The following SULF1 variants were observed in gnomAD, a reference collection of about 807,000 sequenced individuals.
The protein encoded by SULF1 is extracellular sulfatase Sulf-1.
In SULF1, 46 loss-of-function variants were observed where a neutral mutation model predicts 110.5. The observed-to-expected ratio is 0.42, with a 90% confidence interval of 0.33 to 0.53. The LOEUF (loss-of-function observed/expected upper bound fraction) is 0.53. Among genes scored for constraint, SULF1 ranks in the 20% least tolerant of loss-of-function variants. The pLI is 0.12. For synonymous variants in SULF1, 371 were observed against 387.1 expected, an observed-to-expected ratio of 0.96 and a Z score of 0.49; for missense variants, 941 against 1,094.2, an observed-to-expected ratio of 0.86 and a Z score of 1.98.
At chr8:69,508,206 A>G (rs1461087282) in intron 3 of SULF1, among the ~76,000 whole-genome samples, 1 of 152,072 alleles carries the variant, frequency 6.6e-6, no homozygotes, top group African/African-American at 2.4e-5. Flanking sequence ...CCTGGGTTCA[A>G]GCGATTCTCC....
intron 2 of SULF1, among the ~76,000 whole-genome samples, chr8:69,499,639 G>A (rs1177878540): frequency 2.0e-5 from 3 of 152,110 alleles, no homozygotes; most frequent in Non-Finnish European, 4.4e-5. Flanking sequence ...CAACACAGCA[G>A]GAAGTATTTG....
At chr8:69,487,876 G>C (rs1050365723), upstream of SULF1, among the ~76,000 whole-genome samples, 2 of 152,140 alleles carry the variant, frequency 1.3e-5, no homozygotes, top group African/African-American at 4.8e-5. Context: ...GTCTAAGAAC[G>C]TGTGTCGAAA....
chr8:69,529,026 A>C (rs1563500679), intron 3 of SULF1, among the ~76,000 whole-genome samples: 1 of 152,182 alleles, frequency 6.6e-6, no homozygotes, highest in Admixed American at 6.5e-5. Context: ...TCTTCTCCTA[A>C]GTGTATTACA....
At chr8:69,628,126 A>T in intron 17 of SULF1, 45 bp from the exon 18 acceptor site, 4 of 1,479,376 alleles carry the variant, frequency 2.7e-6, no homozygotes, top group Non-Finnish European at 3.8e-6. Flanking sequence ...ACTTTGATCC[A>T]ATGCAAGGCT....
At chr8:69,479,534 C>T (rs1295804651) in intron 1 of SULF1, among the ~76,000 whole-genome samples, 1 of 152,110 alleles carries the variant, frequency 6.6e-6, no homozygotes, top group Non-Finnish European at 1.5e-5. Flanking sequence ...TTATTGCACA[C>T]TGTCAAAACT....
chr8:69,484,265 A>G (rs1809612319), intron 1 of SULF1, among the ~76,000 whole-genome samples: 1 of 152,230 alleles, frequency 6.6e-6, no homozygotes, highest in African/African-American at 2.4e-5. Context: ...ATTTGCATGA[A>G]AAAATAGACC....
chr8:69,630,872 G>T (rs1810468710), intron 19 of SULF1, among the ~76,000 whole-genome samples: 1 of 152,054 alleles, frequency 6.6e-6, no homozygotes, highest in Non-Finnish European at 1.5e-5. Flanking sequence ...CAACGTGCAG[G>T]TTTGTTACGT....
rs761898699 is a variant in SULF1, at chr8:69,658,763, C to T, written c.*228C>T. ...AGTGACGGGTTCTTGGTTGTCTCTG[C>T]TGAGCACGCTGTGTCAATGGAGATG... On this transcript the variant is annotated 3_prime_UTR_variant, in exon 23 of 23. Transcript: ENST00000402687. The T allele has an allele frequency of 1.5e-6, 1 of 653,842 alleles. No homozygotes were observed. Among genetic ancestry groups the T allele is most frequent in the South Asian group, 1.5e-5 (1 of 66,310 alleles). 40.5% of individuals were successfully genotyped at this position (653,842 alleles called of 1,614,324 possible).
chr8:69,502,176 G>A lies in SULF1; in HGVS notation c.-134+208G>A, dbSNP rs564552688. Among the ~76,000 whole-genome samples the A allele has an allele frequency of 9.9e-5, 15 of 152,244 alleles. 1 individual carries two copies. In the East Asian group the frequency reaches 1.4e-3, roughly 14 times the overall value. ...CTTCCACGTGGTAGAGCCATGTCACGAAATCAGTCCTAAGAAATGTCAGAA... is the reference window on the plus strand; with the variant it reads ...CTTCCACGTGGTAGAGCCATGTCACAAAATCAGTCCTAAGAAATGTCAGAA... On this transcript the variant is annotated intron_variant, in intron 3 of 22. Transcript: ENST00000402687.
At chr8:69,627,949 C>A in intron 17 of SULF1, 83 bp downstream of exon 17, 1 of 1,052,928 alleles carries the variant, frequency 9.5e-7, no homozygotes, top group Non-Finnish European at 1.4e-6. Flanking sequence ...TCATTTTTCT[C>A]TCTTACCTAT....
intron 8 of SULF1, 44 bp downstream of exon 8, chr8:69,589,185 C>A: frequency 6.3e-7 from 1 of 1,576,744 alleles, no homozygotes. Flanking sequence ...ACATGCCTTT[C>A]CCTTTTCTCC....
chr8:69,601,612 C>T (rs771722338), intron 9 of SULF1, 42 bp from the exon 10 acceptor site: 3 of 1,542,420 alleles, frequency 1.9e-6, no homozygotes, highest in Admixed American at 3.8e-5. Flanking sequence ...TCATCTTATA[C>T]CAGCACAATT....
At chr8:69,639,141 A>C (rs1224848027) in intron 21 of SULF1, among the ~76,000 whole-genome samples, 2 of 152,228 alleles carry the variant, frequency 1.3e-5, no homozygotes, top group Non-Finnish European at 2.9e-5. Context: ...CATCTGTTGG[A>C]AGATGACACG....
chr8:69,604,954 T>TACC lies in SULF1; in HGVS notation c.1377+28_1377+30dup, dbSNP rs1261783520. 1.9e-6 allele frequency: 3 copies of TACC among 1,612,962 alleles called. No individual in the cohort carries two copies. The South Asian group carries it at 3.3e-5, about 18-fold the overall frequency. On this transcript the variant is annotated intron_variant, in intron 13 of 22. Coordinates refer to ENST00000402687, the MANE Select transcript of SULF1 (RefSeq NM_001128205.2). ...GCAGGTGAGTGACGCAGGCTTTCTT[T>TACC]ACCACCACTCATGTGCTTCTCCATC...
chr8:69,641,902 G>A (rs111606679), intron 22 of SULF1, among the ~76,000 whole-genome samples: 3 of 152,074 alleles, frequency 2.0e-5, no homozygotes, highest in Admixed American at 1.3e-4. Context: ...GGGGACGCAC[G>A]CTCCTGATGG....
chr8:69,603,164 T>G (rs200788166), intron 10 of SULF1, 28 bp from the exon 11 acceptor site: 1 of 1,612,676 alleles, frequency 6.2e-7, no homozygotes, highest in Admixed American at 1.7e-5. Context: ...GCATTGGATC[T>G]CAGCCATCAC....
chr8:69,573,037 G>A (rs947582444), intron 5 of SULF1, among the ~76,000 whole-genome samples: 1 of 152,194 alleles, frequency 6.6e-6, no homozygotes, highest in African/African-American at 2.4e-5. Context: ...ATGTCGGCCA[G>A]ACTGGTCTTG....
intron 7 of SULF1, among the ~76,000 whole-genome samples, chr8:69,587,644 G>C (rs1008011157): frequency 6.6e-6 from 1 of 152,148 alleles, no homozygotes; most frequent in African/African-American, 2.4e-5. Context: ...CATATCCCCA[G>C]CTGTGGATAC....
At chr8:69,642,868 C>G (rs765848992) in intron 22 of SULF1, among the ~76,000 whole-genome samples, 4 of 152,146 alleles carry the variant, frequency 2.6e-5, no homozygotes, top group Non-Finnish European at 5.9e-5. Flanking sequence ...TGGGACCCTC[C>G]CCTTCCCTGA....
Sources: allele counts gnomAD v4.1 joint callset (sites outside exome capture counted in the v4.1 genomes callset), GRCh38; gene constraint gnomAD v4.1.1; transcripts MANE v1.5; gene names NCBI Gene and HGNC (gene_info 2026-07-23, HGNC 2026-07-21).